The following HPF1 variants were observed in gnomAD, a reference collection of about 807,000 sequenced individuals.
HPF1 encodes the protein UPF0609 protein C4orf27.
In HPF1, 35 loss-of-function variants were observed where a neutral mutation model predicts 38.8. The observed-to-expected ratio is 0.90, with a 90% CI of 0.69 to 1.19. The LOEUF (loss-of-function observed/expected upper bound fraction) is 1.19. Ranked by LOEUF, HPF1 falls within the 50% of genes most tolerant of loss-of-function variation. The pLI is 0.00. For synonymous variants in HPF1, 115 were observed against 139.2 expected (o/e 0.83, Z 1.22); for missense variants, 367 against 405.8 (o/e 0.90, Z 0.82).
At chr4:169,754,585 T>C (rs1176617793) in intron 1 of HPF1, among the ~76,000 whole-genome samples, 3 of 152,166 alleles carry the variant, frequency 2.0e-5, no homozygotes, top group East Asian at 1.9e-4. Flanking sequence ...ATATGCTTAA[T>C]TGGAAGTTAC....
intron 7 of HPF1, 80 bp downstream of exon 7, chr4:169,731,624 G>A (rs909605936): frequency 1.6e-5 from 17 of 1,060,958 alleles, no homozygotes; most frequent in South Asian, 6.0e-5. Context: ...AAATGTGCAC[G>A]TATTCATGTG....
chr4:169,745,800 T>A (rs1397088771), intron 4 of HPF1, among the ~76,000 whole-genome samples: 3 of 152,208 alleles, frequency 2.0e-5, no homozygotes, highest in Non-Finnish European at 2.9e-5. Flanking sequence ...CAAACATTTT[T>A]AAATACATTT....
chr4:169,736,993 A>G (rs1052263405), intron 6 of HPF1, among the ~76,000 whole-genome samples: 2 of 152,270 alleles, frequency 1.3e-5, no homozygotes, highest in African/African-American at 4.8e-5. Context: ...AGGCAGATGA[A>G]AAAATGTTCA....
chr4:169,739,171 G>A (rs553807686), intron 5 of HPF1, among the ~76,000 whole-genome samples: 1 of 151,890 alleles, frequency 6.6e-6, no homozygotes, highest in East Asian at 1.9e-4. Flanking sequence ...ACTACTCGAA[G>A]GTAAATTTTA....
At chr4:169,730,836 G>T (rs72696674) in intron 7 of HPF1, among the ~76,000 whole-genome samples, 4,866 of 152,308 alleles carry the variant, frequency 0.032, 78 homozygotes, top group East Asian at 0.056. Context: ...GTCTGCAGGT[G>T]AGTCATATGC....
chr4:169,751,791 T>C (rs1734122428), intron 2 of HPF1, among the ~76,000 whole-genome samples: 1 of 152,144 alleles, frequency 6.6e-6, no homozygotes. Flanking sequence ...TAGGAGAGCA[T>C]ACACTAATTT....
intron 4 of HPF1, among the ~76,000 whole-genome samples, chr4:169,745,926 A>G (rs571614598): frequency 6.6e-6 from 1 of 152,358 alleles, no homozygotes; most frequent in African/African-American, 2.4e-5. Flanking sequence ...TTGGTGCAAA[A>G]ATAACATTTT....
chr4:169,743,060 G>A (rs1390801398), intron 4 of HPF1, among the ~76,000 whole-genome samples: 2 of 151,434 alleles, frequency 1.3e-5, no homozygotes, highest in Non-Finnish European at 2.9e-5. Context: ...AGTCAGCCGA[G>A]ATCGTGCCAC....
chr4:169,731,648 C>T lies in HPF1; in HGVS notation c.909+56G>A, dbSNP rs1036819253. 3.6e-5 allele frequency: 49 copies of T among 1,352,726 alleles called. 1 individual carries two copies. In the African/African-American group the frequency reaches 4.5e-4, roughly 13 times the overall value. 83.8% of individuals were successfully genotyped at this position (1,352,726 alleles called of 1,614,324 possible). On this transcript the variant is annotated intron_variant, in intron 7 of 7. Transcript: ENST00000393381. ...CGTATTCATGTGTGGATGTATGTCG[C>T]GGGGAGAGGAGGGAGGTGTGGCAGT... is the stretch of plus-strand genomic sequence containing the variant.
rs181497996 is a variant in HPF1 at position 169,753,248 on chromosome 4, G to T, written c.208+428C>A. Among the ~76,000 whole-genome samples, 274 of 151,930 alleles carry T rather than the reference G, an allele frequency of 1.8e-3. 3 individuals carry two copies. The highest frequency in any genetic ancestry group is 1.8e-4 in the Non-Finnish European group (12 of 67,938). On this transcript the variant is annotated intron_variant, in intron 2 of 7. Transcript: ENST00000393381. ...AGGGTTTCACTGTGTTGCCCAGACG[G>T]GTCTCGAATTCCTGACCTCAAGTGA...
rs779852458 is a variant in HPF1 at position 169,748,737 on chromosome 4, T to C, written c.497+7A>G. 70 of 1,266,378 alleles carry C rather than the reference T, an allele frequency of 5.5e-5. No homozygotes were observed. The highest frequency in any genetic ancestry group is 7.5e-5 in the Non-Finnish European group (68 of 904,326). 78.4% of individuals were successfully genotyped at this position (1,266,378 alleles called of 1,614,324 possible). The stretch of plus-strand genomic sequence containing the variant: ...TTGTAAACAAATATAAATTAAAATA[T>C]TCTTACTTGACTGCAGCAAATACAT... On this transcript the variant is annotated splice_region_variant and intron_variant, in intron 4 of 7. Transcript: ENST00000393381.
intron 6 of HPF1, among the ~76,000 whole-genome samples, chr4:169,735,011 C>G (rs964814263): frequency 2.0e-5 from 3 of 151,742 alleles, no homozygotes; most frequent in Non-Finnish European, 2.9e-5. Flanking sequence ...CCTGTAATCC[C>G]AGCTACTCAG....
chr4:169,738,987 G>T (rs571699965), intron 5 of HPF1, among the ~76,000 whole-genome samples: 1 of 151,662 alleles, frequency 6.6e-6, no homozygotes, highest in African/African-American at 2.4e-5. Flanking sequence ...TGGGGCCTGT[G>T]GTGGGGTGGG....
At position 169,737,863 on chromosome 4, in the gene HPF1, A is replaced by G. The variant is rs544454112; in HGVS notation, c.649-116T>C. 3.0e-4 allele frequency: 213 copies of G among 701,556 alleles called. 1 individual carries two copies. The East Asian group carries it at 5.4e-3, about 18-fold the overall frequency. 43.5% of individuals were successfully genotyped at this position (701,556 alleles called of 1,614,324 possible). The stretch of plus-strand genomic sequence containing the variant: ...AAAATGTAACATTTAATCACATTTT[A>G]TTTCAGTAAATTTGGACTCCAGGGT... On this transcript the variant is annotated intron_variant, in intron 5 of 7. Transcript: ENST00000393381.
intron 2 of HPF1, among the ~76,000 whole-genome samples, chr4:169,752,653 A>G (rs1399497698): frequency 6.6e-6 from 1 of 152,200 alleles, no homozygotes; most frequent in African/African-American, 2.4e-5. Flanking sequence ...TTCAGGCATG[A>G]TAGTTTATTA....
chr4:169,757,147 C>T (rs1374062409), intron 1 of HPF1, among the ~76,000 whole-genome samples: 2 of 152,112 alleles, frequency 1.3e-5, no homozygotes, highest in Admixed American at 6.5e-5. Context: ...AGAATGCACA[C>T]ACTCTCTCCT....
At position 169,753,673 on chromosome 4, in the gene HPF1, C is replaced by T. The variant is rs1734148413; in HGVS notation, c.208+3G>A. 5.0e-6 allele frequency: 8 copies of T among 1,609,498 alleles called. No homozygotes were observed. Among genetic ancestry groups the T allele is most frequent in the Non-Finnish European group, 6.8e-6 (8 of 1,178,406 alleles). ...ATACAAGAATGATTCTGGAGCAACT[C>T]ACCAGATGGCTTTTCAGGATCAAGT... is the stretch of plus-strand genomic sequence containing the variant. On this transcript the variant is annotated splice_donor_region_variant and intron_variant, in intron 2 of 7. Transcript: ENST00000393381.
intron 6 of HPF1, among the ~76,000 whole-genome samples, chr4:169,733,354 T>C (rs1394217069): frequency 6.6e-6 from 1 of 152,214 alleles, no homozygotes; most frequent in African/African-American, 2.4e-5. Flanking sequence ...ACAATATCTA[T>C]TTAGACTTCC....
chr4:169,730,982 G>A (rs539754510), intron 7 of HPF1, among the ~76,000 whole-genome samples: 13 of 152,336 alleles, frequency 8.5e-5, no homozygotes, highest in African/African-American at 2.6e-4. Context: ...AATGATCTGC[G>A]TGTGGGTATG....
Sources: gnomAD v4.1 joint callset for allele counts (sites outside exome capture counted in the v4.1 genomes callset) on GRCh38, gnomAD v4.1.1 for gene constraint, MANE v1.5 for transcripts, NCBI Gene and HGNC (gene_info 2026-07-23, HGNC 2026-07-21) for gene names.